Variants in C1QTNF3 observed in about 807,000 individuals in gnomAD.
C1QTNF3 encodes C1q and TNF related 3, also known as complement C1q tumor necrosis factor-related protein 3.
In C1QTNF3, 26 loss-of-function variants were observed where a neutral mutation model predicts 32.6. That is an observed-to-expected ratio of 0.80 (90% CI 0.58 to 1.11). The LOEUF is 1.11. Ranked by LOEUF, C1QTNF3 falls within the 50% of genes least tolerant of loss-of-function variation. The pLI is 0.00. For missense variants in C1QTNF3, 362 were observed against 398.2 expected (o/e 0.91, Z 0.77); for synonymous variants, 155 against 146.0 (o/e 1.06, Z -0.44).
At chr5:34,206,815 A>G in the C1QTNF3 span, among the ~76,000 whole-genome samples, 1 of 151,710 alleles carries the variant, frequency 6.6e-6, no homozygotes, top group African/African-American at 2.4e-5. Context: ...ACTTAAACAT[A>G]CAGTAAGATA....
chr5:34,112,240 A>C, the C1QTNF3 span, among the ~76,000 whole-genome samples: 1 of 152,180 alleles, frequency 6.6e-6, no homozygotes, highest in African/African-American at 2.4e-5. Context: ...ACCAAGATGT[A>C]TTCTCTTCCA....
At chr5:34,185,537 A>C in the C1QTNF3 span, among the ~76,000 whole-genome samples, 1 of 152,404 alleles carries the variant, frequency 6.6e-6, no homozygotes, top group East Asian at 1.9e-4. Context: ...GTGAATGCTA[A>C]GCAGCACTTC....
the C1QTNF3 span, among the ~76,000 whole-genome samples, chr5:34,194,911 A>G: frequency 6.7e-6 from 1 of 148,522 alleles, no homozygotes; most frequent in Non-Finnish European, 1.5e-5. Context: ...ATTGTACTAT[A>G]TTGTGTAAGG....
chr5:34,170,261 G>A, the C1QTNF3 span, among the ~76,000 whole-genome samples: 2 of 152,162 alleles, frequency 1.3e-5, no homozygotes, highest in Non-Finnish European at 2.9e-5. Context: ...GAAGACCACA[G>A]TGGTTTCCAA....
the C1QTNF3 span, among the ~76,000 whole-genome samples, chr5:34,215,462 T>C: frequency 6.6e-6 from 1 of 152,206 alleles, no homozygotes; most frequent in Non-Finnish European, 1.5e-5. Context: ...CACAGGCCTG[T>C]GGTTCTGGCC....
chr5:34,169,419 G>C, the C1QTNF3 span, among the ~76,000 whole-genome samples: 1 of 151,914 alleles, frequency 6.6e-6, no homozygotes, highest in Non-Finnish European at 1.5e-5. Flanking sequence ...CTTCTTTGAA[G>C]AAATGTCTGT....
At chr5:34,177,874 C>G in the C1QTNF3 span, among the ~76,000 whole-genome samples, 2,192 of 151,872 alleles carry the variant, frequency 0.014, 37 homozygotes, top group South Asian at 0.034. Context: ...CCTCTGACTT[C>G]GGTCTCCCAA....
chr5:34,173,164 A>C, the C1QTNF3 span, among the ~76,000 whole-genome samples: 2 of 152,006 alleles, frequency 1.3e-5, no homozygotes, highest in Non-Finnish European at 2.9e-5. Context: ...AATACTATAC[A>C]CTCTTATGAT....
the C1QTNF3 span, among the ~76,000 whole-genome samples, chr5:34,195,426 T>C: frequency 7.0e-6 from 1 of 142,224 alleles, no homozygotes; most frequent in Non-Finnish European, 1.5e-5. Flanking sequence ...AAATTATTGA[T>C]ACTGTTAAAT....
At chr5:34,028,350 T>C (rs1306609008) in intron 4 of C1QTNF3, among the ~76,000 whole-genome samples, 1 of 152,188 alleles carries the variant, frequency 6.6e-6, no homozygotes, top group Admixed American at 6.5e-5. Context: ...CTCCTTGAGG[T>C]GGTGGCAGGG....
the C1QTNF3 span, among the ~76,000 whole-genome samples, chr5:34,231,477 CA>C: frequency 1.3e-5 from 2 of 152,174 alleles, no homozygotes; most frequent in South Asian, 4.1e-4. Context: ...ATGACATAAT[CA>C]ATATCATGGC....
chr5:34,159,311 G>A, the C1QTNF3 span, among the ~76,000 whole-genome samples: 4 of 152,020 alleles, frequency 2.6e-5, no homozygotes, highest in Non-Finnish European at 4.4e-5. Flanking sequence ...AGAGGAATGA[G>A]AGATGTTTTT....
chr5:34,111,058 C>G, the C1QTNF3 span, among the ~76,000 whole-genome samples: 4 of 152,116 alleles, frequency 2.6e-5, no homozygotes, highest in African/African-American at 7.2e-5. Flanking sequence ...TTTGTTAAGC[C>G]AGTGTCAATT....
At chr5:34,232,920 T>C in the C1QTNF3 span, among the ~76,000 whole-genome samples, 1 of 148,494 alleles carries the variant, frequency 6.7e-6, no homozygotes. Flanking sequence ...GCCTAAAACT[T>C]TGATGACTTT....
chr5:34,138,344 A>G, the C1QTNF3 span, among the ~76,000 whole-genome samples: 1 of 152,208 alleles, frequency 6.6e-6, no homozygotes, highest in Admixed American at 6.5e-5. Flanking sequence ...CCTTATATAC[A>G]GATAATAATA....
intron 1 of C1QTNF3, among the ~76,000 whole-genome samples, chr5:34,037,016 G>A (rs946864442): frequency 1.3e-5 from 2 of 152,140 alleles, no homozygotes; most frequent in African/African-American, 2.4e-5. Context: ...AGCACTTAAT[G>A]GGTACTAAAC....
chr5:34,072,705 C>G, the C1QTNF3 span, among the ~76,000 whole-genome samples: 4 of 152,140 alleles, frequency 2.6e-5, no homozygotes, highest in African/African-American at 9.7e-5. Context: ...TTTTCAATAT[C>G]AAATGTACAA....
chr5:34,063,532 G>T, the C1QTNF3 span, among the ~76,000 whole-genome samples: 3 of 151,996 alleles, frequency 2.0e-5, no homozygotes, highest in African/African-American at 4.8e-5. Flanking sequence ...GGGGCTGGGG[G>T]GAAGCTGGGT....
the C1QTNF3 span, among the ~76,000 whole-genome samples, chr5:34,088,423 C>T: frequency 1.3e-5 from 2 of 151,892 alleles, no homozygotes; most frequent in African/African-American, 4.8e-5. Flanking sequence ...TTATAAACAT[C>T]CTTTAATGTT....
Sources: gnomAD v4.1 joint callset for allele counts (sites outside exome capture counted in the v4.1 genomes callset) on GRCh38, gnomAD v4.1.1 for gene constraint, MANE v1.5 for transcripts, NCBI Gene and HGNC (gene_info 2026-07-23, HGNC 2026-07-21) for gene names.